Variants in RBFOX1 observed in about 807,000 individuals in gnomAD.
RBFOX1 encodes the protein RNA binding protein fox-1 homolog 1.
A neutral mutation model predicts 57.7 loss-of-function variants in RBFOX1; 8 were observed. That is an observed-to-expected ratio of 0.14 (90% CI 0.08 to 0.25). RBFOX1 has a LOEUF of 0.25. Among genes scored for constraint, RBFOX1 ranks in the 10% least tolerant of loss-of-function variants. The probability of loss-of-function intolerance (pLI) is 1.00; values close to 1 mark genes in which losing one functional copy is unlikely to be tolerated. For synonymous variants in RBFOX1, 326 were observed against 222.4 expected, an observed-to-expected ratio of 1.47 and a Z score of -4.15; for missense variants, 611 against 548.5, an observed-to-expected ratio of 1.11 and a Z score of -1.14.
At chr16:7,361,180 A>G (rs1206250662) in intron 4 of RBFOX1, among the ~76,000 whole-genome samples, 1 of 152,166 alleles carries the variant, frequency 6.6e-6, no homozygotes, top group African/African-American at 2.4e-5. Context: ...TAACCTGGGT[A>G]TGAACCTGCT....
At chr16:7,475,453 T>C (rs995640523) in intron 4 of RBFOX1, among the ~76,000 whole-genome samples, 1 of 152,016 alleles carries the variant, frequency 6.6e-6, no homozygotes, top group African/African-American at 2.4e-5. Context: ...TAGCTGGGAC[T>C]GCAGGCGCAT....
chr16:6,542,350 A>C (rs781041897), intron 2 of RBFOX1, among the ~76,000 whole-genome samples: 1 of 152,018 alleles, frequency 6.6e-6, no homozygotes, highest in Non-Finnish European at 1.5e-5. Flanking sequence ...GGGGTGTTCT[A>C]AATGCAGGGG....
chr16:5,458,911 T>C (rs2068710003), intron 1 of RBFOX1, among the ~76,000 whole-genome samples: 1 of 152,182 alleles, frequency 6.6e-6, no homozygotes, highest in Admixed American at 6.5e-5. Flanking sequence ...GATCTCATAG[T>C]CTTGTGGCAG....
intron 4 of RBFOX1, among the ~76,000 whole-genome samples, chr16:7,264,732 A>T (rs1467526387): frequency 6.6e-6 from 1 of 152,170 alleles, no homozygotes; most frequent in African/African-American, 2.4e-5. Flanking sequence ...GTAATCAACC[A>T]TTCTTAGCTC....
intron 1 of RBFOX1, among the ~76,000 whole-genome samples, chr16:5,284,603 A>G (rs2063347115): frequency 1.4e-5 from 2 of 146,538 alleles, no homozygotes; most frequent in Non-Finnish European, 3.0e-5. Flanking sequence ...GTACAGTGGC[A>G]TGATCATAGC....
chr16:5,894,879 A>G (rs1203180097), intron 4 of RBFOX1, among the ~76,000 whole-genome samples: 1 of 142,386 alleles, frequency 7.0e-6, no homozygotes, highest in South Asian at 2.6e-4. Flanking sequence ...AATATTAGCT[A>G]CGCATGGTGG....
intron 2 of RBFOX1, among the ~76,000 whole-genome samples, chr16:6,592,861 T>C (rs1408642893): frequency 6.6e-6 from 1 of 152,190 alleles, no homozygotes; most frequent in African/African-American, 2.4e-5. Flanking sequence ...GCTGTTTTTT[T>C]CTCAGGGGTT....
At chr16:6,213,990 A>T (rs565519303) in intron 1 of RBFOX1, among the ~76,000 whole-genome samples, 5 of 152,170 alleles carry the variant, frequency 3.3e-5, no homozygotes, top group African/African-American at 9.7e-5. Flanking sequence ...GATATTGACA[A>T]ATGTCCCCTG....
At chr16:7,471,335 T>C (rs951788714) in intron 4 of RBFOX1, among the ~76,000 whole-genome samples, 9 of 152,158 alleles carry the variant, frequency 5.9e-5, no homozygotes, top group Admixed American at 1.3e-4. Context: ...TAAGGTAAAT[T>C]ATTTGAAGGA....
At chr16:5,332,670 G>A (rs978743265) in intron 1 of RBFOX1, among the ~76,000 whole-genome samples, 6 of 151,338 alleles carry the variant, frequency 4.0e-5, no homozygotes, top group African/African-American at 9.7e-5. Flanking sequence ...GTGAATGTAT[G>A]CATTTTATTT....
intron 2 of RBFOX1, among the ~76,000 whole-genome samples, chr16:5,597,266 T>G (rs5015130): frequency 7.3e-6 from 1 of 136,942 alleles, no homozygotes; most frequent in Non-Finnish European, 1.6e-5. Context: ...TGCACCTCTC[T>G]GTCCTTCCCT....
chr16:5,298,573 T>C (rs1409466867), intron 1 of RBFOX1, among the ~76,000 whole-genome samples: 4 of 4,674 alleles, frequency 8.6e-4, no homozygotes, highest in African/African-American at 4.3e-3. Context: ...CTCCCCTCCT[T>C]TCCCCTCCCT....
At chr16:7,003,118 G>C (rs150952239) in intron 3 of RBFOX1, among the ~76,000 whole-genome samples, 4 of 151,970 alleles carry the variant, frequency 2.6e-5, no homozygotes, top group African/African-American at 7.2e-5. Flanking sequence ...GGAGCATTGC[G>C]TAAAATGGGT....
Position 7,711,867 on chromosome 16 carries a change from T to C in RBFOX1, c.*1122T>C, listed in dbSNP as rs982739418. 4 of 152,608 alleles carry C rather than the reference T, an allele frequency of 2.6e-5. No individual in the cohort carries two copies. Among genetic ancestry groups the C allele is most frequent in the African/African-American group, 9.7e-5 (4 of 41,444 alleles). 9.5% of individuals were successfully genotyped at this position (152,608 alleles called of 1,614,324 possible). ...AGATAATCATGGTATTTTCATCAGC[T>C]TGGTACTTTTTGAAACGTGACTGCG... On this transcript the variant is annotated 3_prime_UTR_variant, in exon 16 of 16. Coordinates refer to ENST00000550418, the MANE Select transcript of RBFOX1 (RefSeq NM_018723.4).
At chr16:7,299,776 T>C (rs4275868) in intron 4 of RBFOX1, among the ~76,000 whole-genome samples, 46,325 of 152,126 alleles carry the variant, frequency 0.3, 7,958 homozygotes, top group African/African-American at 0.47. Flanking sequence ...CTCACCCCTA[T>C]CCCTAGTAGA....
intron 1 of RBFOX1, among the ~76,000 whole-genome samples, chr16:5,268,214 C>G (rs1161384556): frequency 6.6e-6 from 1 of 151,846 alleles, no homozygotes; most frequent in South Asian, 2.1e-4. Context: ...ATGAAGAACA[C>G]TTTTTTCTTT....
intron 4 of RBFOX1, among the ~76,000 whole-genome samples, chr16:7,276,993 G>A (rs775625834): frequency 2.0e-5 from 3 of 152,204 alleles, no homozygotes; most frequent in Non-Finnish European, 2.9e-5. Context: ...ATCGTAGATG[G>A]TATAACTTTG....
chr16:6,938,226 T>C (rs776494342), intron 3 of RBFOX1, among the ~76,000 whole-genome samples: 11 of 152,202 alleles, frequency 7.2e-5, no homozygotes, highest in Non-Finnish European at 1.3e-4. Context: ...ATTAGATCAT[T>C]GTCCTATAAA....
intron 2 of RBFOX1, among the ~76,000 whole-genome samples, chr16:6,588,966 T>G (rs1274891997): frequency 6.6e-6 from 1 of 152,222 alleles, no homozygotes; most frequent in African/African-American, 2.4e-5. Flanking sequence ...AAATAACCTA[T>G]GCATCTGTAC....
Sources: gnomAD v4.1 joint callset for allele counts (sites outside exome capture counted in the v4.1 genomes callset) on GRCh38, gnomAD v4.1.1 for gene constraint, MANE v1.5 for transcripts, NCBI Gene and HGNC (gene_info 2026-07-23, HGNC 2026-07-21) for gene names.